Variants in SIGLEC14 observed in about 807,000 individuals in gnomAD.
SIGLEC14 encodes sialic acid-binding Ig-like lectin 14.
Under a neutral mutation model 34.2 loss-of-function variants are expected in SIGLEC14, and 11 were observed. The observed-to-expected ratio is 0.32, with a 90% confidence interval of 0.20 to 0.53. The LOEUF (loss-of-function observed/expected upper bound fraction) is 0.53. Ranked by LOEUF, SIGLEC14 falls within the 20% of genes least tolerant of loss-of-function variation. SIGLEC14 has a pLI of 0.95. For synonymous variants in SIGLEC14, 99 were observed against 179.7 expected (o/e 0.55, Z 3.59); for missense variants, 264 against 439.0 (o/e 0.60, Z 3.56).
Position 51,644,826 on chromosome 19 carries a change from T to C in SIGLEC14, c.754+651A>G. 1.5e-5 allele frequency among the ~76,000 whole-genome samples: 2 copies of C among 136,260 alleles called. 1 individual carries two copies. Among genetic ancestry groups the C allele is most frequent in the Non-Finnish European group, 3.1e-5 (2 of 64,168 alleles). 89.4% of individuals were successfully genotyped at this position (136,260 alleles called of 152,430 possible). ...CTCAGAGAAAGGGCTGGATATAAAG[T>C]TGTGGGAGGCATCAGGACAGGGTCA... On this transcript the variant is annotated intron_variant, in intron 4 of 6. Coordinates refer to ENST00000360844, the MANE Select transcript of SIGLEC14 (RefSeq NM_001098612.3).
chr19:51,643,361 A>G lies in SIGLEC14; in HGVS notation c.1185T>C (p.Pro395=). 6.6e-7 allele frequency: 1 copy of G among 1,525,384 alleles called. No individual in the cohort carries two copies. The highest frequency in any genetic ancestry group is 1.7e-5 in the Admixed American group (1 of 57,528). 94.5% of individuals were successfully genotyped at this position (1,525,384 alleles called of 1,614,324 possible). A position where few individuals can be genotyped will look rare whatever the true frequency, so the allele number is the denominator to read the frequency against. The change falls in exon 7 of 7, where the codon CCT becomes CCC. Residue 395 remains proline (P), a synonymous_variant. Transcript: ENST00000360844. ...GGPQQSRAER[P]G ...TGTCTTGAGCGGGAGGGGCTCAGCC[A>G]GGCCTCTCAGCCCTGCTCTGCTGGG...
In SIGLEC14 at chr19:51,640,124, C is replaced by T. The variant is rs906857686; in HGVS notation, c.*3231G>A. 7.2e-6 allele frequency among the ~76,000 whole-genome samples: 1 copy of T among 139,114 alleles called. No individual in the cohort carries two copies. Among genetic ancestry groups the T allele is most frequent in the South Asian group, 2.4e-4 (1 of 4,130 alleles). 91.3% of individuals were successfully genotyped at this position (139,114 alleles called of 152,430 possible). A position where few individuals can be genotyped will look rare whatever the true frequency, so the allele number is the denominator to read the frequency against. ...TCCTTCAAAACGAAAGAGAAGGAGT[C>T]GTGCTTTTATTATGAAGGAGTAAGC... On this transcript the variant is annotated 3_prime_UTR_variant, in exon 7 of 7. Coordinates refer to ENST00000360844, the MANE Select transcript of SIGLEC14 (RefSeq NM_001098612.3).
rs1004070106 is a variant in SIGLEC14, at chr19:51,641,776, C to T, written c.*1579G>A. On this transcript the variant is annotated 3_prime_UTR_variant, in exon 7 of 7. Coordinates refer to ENST00000360844, the MANE Select transcript of SIGLEC14 (RefSeq NM_001098612.3). The stretch of plus-strand genomic sequence containing the variant: ...TGGATACATAGAGGTGAGCAACACA[C>T]ACTGGGGCCTTTCAAAGGGTGGAAG... Among the ~76,000 whole-genome samples, 3 of 138,740 alleles carry T rather than the reference C, an allele frequency of 2.2e-5. 1 individual carries two copies. The highest frequency in any genetic ancestry group is 4.6e-5 in the Non-Finnish European group (3 of 64,890). 91.0% of individuals were successfully genotyped at this position (138,740 alleles called of 152,430 possible). A position where few individuals can be genotyped will look rare whatever the true frequency, so the allele number is the denominator to read the frequency against.
chr19:51,643,483 G>GGGCCCCCCCCCCCC, intron 6 of SIGLEC14, 54 bp downstream of exon 6: 2 of 1,297,874 alleles, frequency 1.5e-6, no homozygotes, highest in Non-Finnish European at 1.0e-6. Flanking sequence ...GGGCAGGACA[G>GGGCCCCCCCCCCCC]CTCAGCCCCA....
At position 51,641,169 on chromosome 19, in the gene SIGLEC14, A is replaced by G. The variant is rs1176278241; in HGVS notation, c.*2186T>C. ...TAATAGACTGAGCTGGTAGACAAAA[A>G]AGTTACCAGCTATAAAACTGAACAC... On this transcript the variant is annotated 3_prime_UTR_variant, in exon 7 of 7. Coordinates refer to ENST00000360844, the MANE Select transcript of SIGLEC14 (RefSeq NM_001098612.3). Among the ~76,000 whole-genome samples, 2 of 138,556 alleles carry G rather than the reference A, an allele frequency of 1.4e-5. No individual in the cohort carries two copies. Among genetic ancestry groups the G allele is most frequent in the African/African-American group, 5.5e-5 (2 of 36,410 alleles). The allele number at this position is 138,556 out of a possible 152,430, so 90.9% of individuals were successfully genotyped here.
rs551635863 is a variant in SIGLEC14, at chr19:51,641,731, A to G, written c.*1624T>C. 2.9e-5 allele frequency among the ~76,000 whole-genome samples: 4 copies of G among 139,712 alleles called. No individual in the cohort carries two copies. In the South Asian group the frequency reaches 9.7e-4, roughly 34 times the overall value. 91.7% of individuals were successfully genotyped at this position (139,712 alleles called of 152,430 possible). ...CCACATGTTCTCACTTGTAAGTGGG[A>G]GCTAAATGATGAGAACACATGGATA... On this transcript the variant is annotated 3_prime_UTR_variant, in exon 7 of 7. Coordinates refer to ENST00000360844, the MANE Select transcript of SIGLEC14 (RefSeq NM_001098612.3).
rs1983925528 is a variant in SIGLEC14 at position 51,642,418 on chromosome 19, T to G, written c.*937A>C. ...TGTATATGGACAGAAGGAGAATCAC[T>G]TGAACCTGGGAGGCAGAAGTTGCAG... On this transcript the variant is annotated 3_prime_UTR_variant, in exon 7 of 7. Coordinates refer to ENST00000360844, the MANE Select transcript of SIGLEC14 (RefSeq NM_001098612.3). 7.3e-6 allele frequency: 1 copy of G among 137,776 alleles called. No individual in the cohort carries two copies. The highest frequency in any genetic ancestry group is 1.5e-5 in the Non-Finnish European group (1 of 64,646). The allele number at this position is 137,776 out of a possible 1,614,324, so 8.5% of individuals were successfully genotyped here.
rs533746769 is a variant in SIGLEC14, at chr19:51,645,150, T to C, written c.754+327A>G. The stretch of plus-strand genomic sequence containing the variant: ...CAGTTTTGCCAGATAAAAGGAGCTC[T>C]GCAGTTTGGTTTTGCAACAATGTGA... On this transcript the variant is annotated intron_variant, in intron 4 of 6. Transcript: ENST00000360844. Among the ~76,000 whole-genome samples, 41 of 139,248 alleles carry C rather than the reference T, an allele frequency of 2.9e-4. 4 individuals carry two copies. The highest frequency in any genetic ancestry group is 1.1e-3 in the Admixed American group (16 of 14,518). 91.4% of individuals were successfully genotyped at this position (139,248 alleles called of 152,430 possible). A position where few individuals can be genotyped will look rare whatever the true frequency, so the allele number is the denominator to read the frequency against.
At chr19:51,643,475 G>GGGGGGGGGGGGGGGGC in intron 6 of SIGLEC14, 62 bp downstream of exon 6, 1 of 1,330,010 alleles carries the variant, frequency 7.5e-7, no homozygotes, top group Non-Finnish European at 9.8e-7. Flanking sequence ...CTGTCCTGGG[G>GGGGGGGGGGGGGGGGC]CAGGACAGCT....
Position 51,643,594 on chromosome 19 carries a change from GC to G in SIGLEC14, c.1090del (p.Ala364LeufsTer68). 6.5e-7 allele frequency: 1 copy of G among 1,529,848 alleles called. No homozygotes were observed. Among genetic ancestry groups the G allele is most frequent in the Non-Finnish European group, 8.8e-7 (1 of 1,140,334 alleles). The allele number at this position is 1,529,848 out of a possible 1,614,324, so 94.8% of individuals were successfully genotyped here. A position where few individuals can be genotyped will look rare whatever the true frequency, so the allele number is the denominator to read the frequency against. On this transcript the variant is annotated frameshift_variant, in exon 6 of 7. Coordinates refer to ENST00000360844, the MANE Select transcript of SIGLEC14 (RefSeq NM_001098612.3). LOFTEE classifies it high-confidence loss of function. The stretch of plus-strand genomic sequence containing the variant: ...GAGGAGGAAGCCAGCCCCCATGAGA[GC>G]CCCCCTGATCAGGGTGAGGACGAGG... ...WPLVLTLIRG[A>X]LMGAGFLLTY...
rs971247390 is a variant in SIGLEC14 at position 51,640,984 on chromosome 19, AT to A, written c.*2370del. Among the ~76,000 whole-genome samples, 14 of 138,724 alleles carry A rather than the reference AT, an allele frequency of 1.0e-4. 1 individual carries two copies. The highest frequency in any genetic ancestry group is 1.9e-4 in the African/African-American group (7 of 36,508). The allele number at this position is 138,724 out of a possible 152,430, so 91.0% of individuals were successfully genotyped here. ...GAGCGAAACTCTGTCTCAAAAAAAA[AT>A]TTTTTTTAAGTTGATTCTTTAAGAA... On this transcript the variant is annotated 3_prime_UTR_variant, in exon 7 of 7. Coordinates refer to ENST00000360844, the MANE Select transcript of SIGLEC14 (RefSeq NM_001098612.3).
In SIGLEC14 at chr19:51,640,746, G is replaced by A. The variant is rs1006517489; in HGVS notation, c.*2609C>T. Among the ~76,000 whole-genome samples the A allele has an allele frequency of 4.3e-5, 6 of 138,992 alleles. 1 individual carries two copies. The South Asian group carries it at 1.5e-3, about 34-fold the overall frequency. The allele number at this position is 138,992 out of a possible 152,430, so 91.2% of individuals were successfully genotyped here. ...TCCCAGCACTTTGGAGGCTGAGGCGGGTGGATCACCTGAAGTCAGGAGTTC... is the reference window on the plus strand; with the variant it reads ...TCCCAGCACTTTGGAGGCTGAGGCGAGTGGATCACCTGAAGTCAGGAGTTC... On this transcript the variant is annotated 3_prime_UTR_variant, in exon 7 of 7. Transcript: ENST00000360844.
rs1029138488 is a variant in SIGLEC14 at position 51,640,171 on chromosome 19, A to G, written c.*3184T>C. Among the ~76,000 whole-genome samples, 2 of 139,688 alleles carry G rather than the reference A, an allele frequency of 1.4e-5. No individual in the cohort carries two copies. Among genetic ancestry groups the G allele is most frequent in the African/African-American group, 5.4e-5 (2 of 36,772 alleles). 91.6% of individuals were successfully genotyped at this position (139,688 alleles called of 152,430 possible). On this transcript the variant is annotated 3_prime_UTR_variant, in exon 7 of 7. Coordinates refer to ENST00000360844, the MANE Select transcript of SIGLEC14 (RefSeq NM_001098612.3). ...AAGCTCCTAGCAGAGTGAACTCACC[A>G]CAACACAACAAAACAAACAAACAAA...
At position 51,645,443 on chromosome 19, in the gene SIGLEC14, A is replaced by G; in HGVS notation, c.754+34T>C. 2.0e-6 allele frequency: 3 copies of G among 1,507,940 alleles called. 1 individual carries two copies. Among genetic ancestry groups the G allele is most frequent in the Non-Finnish European group, 2.7e-6 (3 of 1,119,964 alleles). The allele number at this position is 1,507,940 out of a possible 1,614,324, so 93.4% of individuals were successfully genotyped here. On this transcript the variant is annotated intron_variant, in intron 4 of 6. Coordinates refer to ENST00000360844, the MANE Select transcript of SIGLEC14 (RefSeq NM_001098612.3). ...AACCCTGAGCTAATAGAAGGCTCCC[A>G]TCACAGCCCCAGAGGGAAGAGGGTC...
intron 3 of SIGLEC14, 39 bp downstream of exon 3, chr19:51,645,743 T>C: frequency 6.9e-7 from 1 of 1,456,506 alleles, no homozygotes; most frequent in South Asian, 1.3e-5. Flanking sequence ...TCACTCCCAC[T>C]GCCCTTGGGG....
At position 51,641,435 on chromosome 19, in the gene SIGLEC14, T is replaced by C. The variant is rs1371874114; in HGVS notation, c.*1920A>G. On this transcript the variant is annotated 3_prime_UTR_variant, in exon 7 of 7. Transcript: ENST00000360844. ...ATACCATTCGACTCAGCAATCCCAT[T>C]CCTAGGCATATACCCAAAGGAATAT... Among the ~76,000 whole-genome samples the C allele has an allele frequency of 7.2e-6, 1 of 139,038 alleles. No individual in the cohort carries two copies. The highest frequency in any genetic ancestry group is 1.5e-5 in the Non-Finnish European group (1 of 64,998). The allele number at this position is 139,038 out of a possible 152,430, so 91.2% of individuals were successfully genotyped here. A position where few individuals can be genotyped will look rare whatever the true frequency, so the allele number is the denominator to read the frequency against.
rs546231924 is a variant in SIGLEC14, at chr19:51,642,465, C to G, written c.*890G>C. 94 of 133,462 alleles carry G rather than the reference C, an allele frequency of 7.0e-4. 16 individuals are homozygous for G. Among genetic ancestry groups the G allele is most frequent in the African/African-American group, 2.7e-3 (93 of 34,454 alleles). The allele number at this position is 133,462 out of a possible 1,614,324, so 8.3% of individuals were successfully genotyped here. A position where few individuals can be genotyped will look rare whatever the true frequency, so the allele number is the denominator to read the frequency against. On this transcript the variant is annotated 3_prime_UTR_variant, in exon 7 of 7. Transcript: ENST00000360844. Reference sequence around the variant, plus strand: ...GCAGTGAGCTGAGATTTTGCCATTGCACTCCAGCCTGGGCAACAAGATAGA... The same window carrying G: ...GCAGTGAGCTGAGATTTTGCCATTGGACTCCAGCCTGGGCAACAAGATAGA...
chr19:51,640,556 T>A lies in SIGLEC14; in HGVS notation c.*2799A>T. 1.4e-5 allele frequency among the ~76,000 whole-genome samples: 2 copies of A among 139,396 alleles called. 1 individual carries two copies. Among genetic ancestry groups the A allele is most frequent in the Non-Finnish European group, 3.1e-5 (2 of 65,020 alleles). 91.4% of individuals were successfully genotyped at this position (139,396 alleles called of 152,430 possible). A position where few individuals can be genotyped will look rare whatever the true frequency, so the allele number is the denominator to read the frequency against. On this transcript the variant is annotated 3_prime_UTR_variant, in exon 7 of 7. Transcript: ENST00000360844. ...TGAGGTGAGGCTAGGACTTAAAGGA[T>A]GTGAAAATGCATACTATGCAAATAC...
rs11667433 is a variant in SIGLEC14, at chr19:51,642,971, C to T, written c.*384G>A. ...CCCCAGAGGTGGAGGTTGCAGTGAA[C>T]GGAGATTGTGCCACTGAACTCCAGC... On this transcript the variant is annotated 3_prime_UTR_variant, in exon 7 of 7. Transcript: ENST00000360844. 88 of 149,224 alleles carry T rather than the reference C, an allele frequency of 5.9e-4. 8 individuals carry two copies. Among genetic ancestry groups the T allele is most frequent in the Non-Finnish European group, 9.0e-4 (76 of 84,004 alleles). 9.2% of individuals were successfully genotyped at this position (149,224 alleles called of 1,614,324 possible). A position where few individuals can be genotyped will look rare whatever the true frequency, so the allele number is the denominator to read the frequency against.
Sources: gnomAD v4.1 joint callset for allele counts (sites outside exome capture counted in the v4.1 genomes callset) on GRCh38, gnomAD v4.1.1 for gene constraint, MANE v1.5 for transcripts, NCBI Gene and HGNC (gene_info 2026-07-23, HGNC 2026-07-21) for gene names.